TTC29: variants seen among roughly 807,000 people sequenced by gnomAD.
TTC29 encodes tetratricopeptide repeat protein 29.
Under a neutral mutation model 58.1 loss-of-function variants are expected in TTC29, and 49 were observed. That is an observed-to-expected ratio of 0.84 (90% CI 0.67 to 1.07). TTC29 has a LOEUF of 1.07. TTC29 is among the 50% of genes least tolerant of loss of function. The pLI is 0.00. For missense variants in TTC29, 582 were observed against 555.6 expected (o/e 1.05, Z -0.48); for synonymous variants, 209 against 196.8 (o/e 1.06, Z -0.52).
rs186108753 is a variant in TTC29 at position 146,773,800 on chromosome 4, A to G, written c.1330+29657T>C. ...CTCCTTCTCAGGGTTTTTTTTTTTA[A>G]TACTTTCAGTAGGAATGGCACCAGC... is the stretch of plus-strand genomic sequence containing the variant. On this transcript the variant is annotated intron_variant, in intron 11 of 12. Coordinates refer to ENST00000325106, the MANE Select transcript of TTC29 (RefSeq NM_031956.4). Among the ~76,000 whole-genome samples the G allele has an allele frequency of 5.3e-5, 8 of 150,812 alleles. No individual in the cohort carries two copies. The East Asian group carries it at 1.2e-3, about 22-fold the overall frequency.
chr4:146,746,058 C>T (rs1026588204), intron 11 of TTC29, among the ~76,000 whole-genome samples: 12 of 152,096 alleles, frequency 7.9e-5, no homozygotes, highest in African/African-American at 2.7e-4. Flanking sequence ...CCCAGTTCAG[C>T]GATTGATGTT....
At chr4:146,917,612 A>ATAATATCTAATTAGATAGT (rs1229139204) in intron 4 of TTC29, among the ~76,000 whole-genome samples, 1 of 144,386 alleles carries the variant, frequency 6.9e-6, no homozygotes, top group African/African-American at 2.5e-5. Context: ...TATTATTTAT[A>ATAATATCTAATTAGATAGT]ATATATAATT....
In TTC29 at chr4:146,708,336, A is replaced by G. The variant is rs866530876; in HGVS notation, c.1331-785T>C. 1.7e-3 allele frequency among the ~76,000 whole-genome samples: 127 copies of G among 76,364 alleles called. 6 individuals carry two copies. Among genetic ancestry groups the G allele is most frequent in the African/African-American group, 5.2e-3 (120 of 23,004 alleles). The allele number at this position is 76,364 out of a possible 152,430, so 50.1% of individuals were successfully genotyped here. On this transcript the variant is annotated intron_variant, in intron 11 of 12. Coordinates refer to ENST00000325106, the MANE Select transcript of TTC29 (RefSeq NM_031956.4). Reference sequence around the variant, plus strand: ...TATATATATATATATATATATATATATATATATATATATATATATACACAT... The same window carrying G: ...TATATATATATATATATATATATATGTATATATATATATATATATACACAT...
intron 11 of TTC29, among the ~76,000 whole-genome samples, chr4:146,717,764 C>T (rs927030695): frequency 1.4e-4 from 22 of 151,908 alleles, no homozygotes; most frequent in Admixed American, 3.3e-4. Flanking sequence ...TGAGAATTAC[C>T]GTCTTAGAGA....
chr4:146,734,757 G>A (rs1228975576), intron 11 of TTC29, among the ~76,000 whole-genome samples: 8 of 152,072 alleles, frequency 5.3e-5, no homozygotes, highest in African/African-American at 1.4e-4. Context: ...GGAAAAACAC[G>A]GTTTGAGAGA....
chr4:146,875,858 G>A (rs1731222002), intron 6 of TTC29, among the ~76,000 whole-genome samples: 1 of 152,030 alleles, frequency 6.6e-6, no homozygotes, highest in Non-Finnish European at 1.5e-5. Flanking sequence ...CTTAAAATAT[G>A]AGCAAACATA....
chr4:146,770,156 T>C (rs1488032893), intron 11 of TTC29, among the ~76,000 whole-genome samples: 1 of 151,980 alleles, frequency 6.6e-6, no homozygotes, highest in Non-Finnish European at 1.5e-5. Flanking sequence ...AATTAATGCC[T>C]ATTTAAATCC....
At chr4:146,887,674 C>T (rs1327683091) in intron 6 of TTC29, among the ~76,000 whole-genome samples, 1 of 152,156 alleles carries the variant, frequency 6.6e-6, no homozygotes, top group South Asian at 2.1e-4. Flanking sequence ...AACATAAATT[C>T]TCAACCCAGT....
At chr4:146,768,235 T>G (rs1747474419) in intron 11 of TTC29, among the ~76,000 whole-genome samples, 1 of 151,870 alleles carries the variant, frequency 6.6e-6, no homozygotes, top group African/African-American at 2.4e-5. Flanking sequence ...TTCTGTGAGG[T>G]TGTCCTGTGT....
intron 8 of TTC29, 77 bp from the exon 9 acceptor site, chr4:146,833,974 ATAAAAT>A (rs796424940): frequency 1.0e-6 from 1 of 970,314 alleles, no homozygotes; most frequent in Non-Finnish European, 1.5e-6. Context: ...ACAGAAAAAA[ATAAAAT>A]TAATAGTTGG....
rs114183375 is a variant in TTC29 at position 146,735,319 on chromosome 4, T to C, written c.1331-27768A>G. Among the ~76,000 whole-genome samples, 1,090 of 152,296 alleles carry C rather than the reference T, an allele frequency of 7.2e-3. 8 individuals carry two copies. The highest frequency in any genetic ancestry group is 0.025 in the African/African-American group (1,053 of 41,552). On this transcript the variant is annotated intron_variant, in intron 11 of 12. Transcript: ENST00000325106. Reference sequence around the variant, plus strand: ...AGGGTACAGTATGAAGGAAGTGTTCTATTTTGTCGATGGGCATCATCAGGT... The same window carrying C: ...AGGGTACAGTATGAAGGAAGTGTTCCATTTTGTCGATGGGCATCATCAGGT...
chr4:146,772,304 T>C (rs1327598925), intron 11 of TTC29, among the ~76,000 whole-genome samples: 1 of 152,198 alleles, frequency 6.6e-6, no homozygotes, highest in Non-Finnish European at 1.5e-5. Context: ...TTTTGGCATC[T>C]CTGTCATAAA....
intron 11 of TTC29, among the ~76,000 whole-genome samples, chr4:146,802,475 C>G (rs1750299870): frequency 6.6e-6 from 1 of 152,156 alleles, no homozygotes; most frequent in Admixed American, 6.5e-5. Context: ...GAAGATCTTT[C>G]CTCTTTTTTA....
chr4:146,942,695 T>TA, intron 2 of TTC29: 2 of 1,400,068 alleles, frequency 1.4e-6, no homozygotes. Flanking sequence ...CTAGTAAATT[T>TA]AAAAAGGGAG....
At chr4:146,905,942 C>T (rs1412996890) in intron 5 of TTC29, among the ~76,000 whole-genome samples, 2 of 151,980 alleles carry the variant, frequency 1.3e-5, no homozygotes, top group East Asian at 3.9e-4. Context: ...GGAATTTTGC[C>T]TTAGAACATA....
chr4:146,731,851 T>C (rs1423728226), intron 11 of TTC29, among the ~76,000 whole-genome samples: 1 of 152,164 alleles, frequency 6.6e-6, no homozygotes, highest in African/African-American at 2.4e-5. Context: ...GGAACCATAA[T>C]GAGAGCATGT....
intron 11 of TTC29, among the ~76,000 whole-genome samples, chr4:146,790,061 A>G (rs67738214): frequency 0.11 from 17,368 of 152,166 alleles, 1,205 homozygotes; most frequent in East Asian, 0.21. Flanking sequence ...TTATCTGGAT[A>G]TCTTCTCCCC....
At chr4:146,878,270 A>T (rs1011346297) in intron 6 of TTC29, among the ~76,000 whole-genome samples, 2 of 152,022 alleles carry the variant, frequency 1.3e-5, no homozygotes, top group Non-Finnish European at 2.9e-5. Context: ...GTTCATGGTT[A>T]TTGGCCAAAG....
In TTC29 at chr4:146,903,628, T is replaced by A. The variant is rs767297124; in HGVS notation, c.502A>T (p.Lys168Ter). 1.2e-6 allele frequency: 2 copies of A among 1,613,124 alleles called. No homozygotes were observed. Among genetic ancestry groups the A allele is most frequent in the Non-Finnish European group, 1.7e-6 (2 of 1,179,514 alleles). ...VRNHFYERCFKIAQLIKIDCG... is the reference protein window; with the variant it reads ...VRNHFYERCF The stretch of plus-strand genomic sequence containing the variant: ...TCAATTTTGATCAGCTGAGCAATCT[T>A]AAAACATCGTTCATAGAAGTGGTTC... Residue 168 changes from lysine (K) to a stop codon, truncating the protein, a stop_gained, in exon 6 of 13, where the codon AAG (lysine) becomes TAG (stop). Transcript: ENST00000325106. LOFTEE classifies it high-confidence loss of function.
Sources: allele counts gnomAD v4.1 joint callset (sites outside exome capture counted in the v4.1 genomes callset), GRCh38; gene constraint gnomAD v4.1.1; transcripts MANE v1.5; gene names NCBI Gene and HGNC (gene_info 2026-07-23, HGNC 2026-07-21).